The following TRAK1 variants were observed in gnomAD, a reference collection of about 807,000 sequenced individuals.
TRAK1 encodes the protein trafficking kinesin-binding protein 1.
TRAK1 carries 33 observed loss-of-function variants against 92.1 expected under a neutral mutation model. That is an observed-to-expected ratio of 0.36 (90% CI 0.27 to 0.48). The LOEUF is 0.48. Among genes scored for constraint, TRAK1 ranks in the 20% least tolerant of loss-of-function variants. The pLI, the probability that TRAK1 is intolerant of heterozygous loss-of-function variation, is 0.99. For missense variants in TRAK1, 1,123 were observed against 1,257.9 expected, an observed-to-expected ratio of 0.89 and a Z score of 1.62; for synonymous variants, 521 against 517.3, an observed-to-expected ratio of 1.01 and a Z score of -0.10.
At chr3:42,073,273 C>T (rs1704012749) in intron 1 of TRAK1, among the ~76,000 whole-genome samples, 1 of 152,200 alleles carries the variant, frequency 6.6e-6, no homozygotes, top group Non-Finnish European at 1.5e-5. Flanking sequence ...TACCCTGACA[C>T]TGCTCCGACT....
intron 1 of TRAK1, among the ~76,000 whole-genome samples, chr3:42,111,345 T>G (rs1708368008): frequency 6.6e-6 from 1 of 152,030 alleles, no homozygotes; most frequent in South Asian, 2.1e-4. Context: ...CAAACCTCCT[T>G]ATTGTCCGTG....
intron 1 of TRAK1, among the ~76,000 whole-genome samples, chr3:42,080,163 G>A (rs1704363567): frequency 6.6e-6 from 1 of 152,116 alleles, no homozygotes; most frequent in Non-Finnish European, 1.5e-5. Flanking sequence ...AGGGTAGCGG[G>A]GAGAAAATAT....
rs1411045731 is a variant in TRAK1, at chr3:42,078,768, A to AG, written c.-518-8336_-518-8335insG. ...ATTCCATCTCAAAAAAAAAAAAAAA[A>AG]AAAAGAAAGAAAGAAAGAAAGAAAG... On this transcript the variant is annotated intron_variant, in intron 1 of 16. Coordinates refer to the TRAK1 transcript ENST00000487159. Among the ~76,000 whole-genome samples, 10 of 151,594 alleles carry AG rather than the reference A, an allele frequency of 6.6e-5. No individual in the cohort carries two copies. In the East Asian group the frequency reaches 1.9e-3, roughly 29 times the overall value.
intron 1 of TRAK1, chr3:42,014,209 T>C (rs1328149093): frequency 6.6e-6 from 1 of 152,150 alleles, no homozygotes; most frequent in Non-Finnish European, 1.5e-5. Context: ...CCGCGTGAGA[T>C]AGTGGCGGCG....
chr3:42,043,087 C>T (rs547304397), intron 1 of TRAK1, among the ~76,000 whole-genome samples: 17 of 152,110 alleles, frequency 1.1e-4, no homozygotes, highest in African/African-American at 4.1e-4. Flanking sequence ...CTTTCCTCTC[C>T]CTTTAAGGGT....
chr3:42,209,377 C>T (rs1005801692), intron 13 of TRAK1, among the ~76,000 whole-genome samples: 12 of 152,098 alleles, frequency 7.9e-5, no homozygotes, highest in Non-Finnish European at 1.3e-4. Context: ...CATGTGGCCC[C>T]GCTTTTGTGC....
In TRAK1 at chr3:42,202,829, G is replaced by A. The variant is rs9311309; in HGVS notation, c.1744+77G>A. 0.7 allele frequency: 1,107,444 copies of A among 1,578,096 alleles called. 392,091 individuals carry two copies. Among genetic ancestry groups the A allele is most frequent in the East Asian group, 0.99 (43,375 of 43,766 alleles). ...GGTCCCTGATCCACCTGCGGAAGGC[G>A]GGGCACCTCTGTCACGCCTACTCCT... On this transcript the variant is annotated intron_variant, in intron 13 of 15. Transcript: ENST00000327628. The surrounding 1 kb of genome is among the most constrained non-coding windows in gnomAD (Gnocchi z 6.1).
intron 1 of TRAK1, among the ~76,000 whole-genome samples, chr3:42,114,857 C>T (rs1219523273): frequency 4.6e-5 from 7 of 152,040 alleles, no homozygotes; most frequent in Non-Finnish European, 7.4e-5. Flanking sequence ...GGATTACTGG[C>T]GTGCACCACC....
Position 42,188,109 on chromosome 3 carries a change from C to A in TRAK1, c.545C>A (p.Ala182Glu). Residue 182 changes from alanine (A) to glutamate (E), a missense_variant, in exon 5 of 16, where the codon GCG becomes GAG. Physicochemically the swap from Ala to Glu is moderately radical, Grantham distance 107. This residue lies in a region of TRAK1 where 686 missense variants were observed against 747.6 expected (regional missense o/e 0.92). Coordinates refer to ENST00000327628, the MANE Select transcript of TRAK1 (RefSeq NM_001042646.3). ...DELLQFYTSA[A>E]EESEPESVCS... ...CTGCTTCAGTTCTACACCAGCGCTG[C>A]GGAGGAGAGTGAGCCCGAGTCCGTT... The A allele has an allele frequency of 1.2e-6, 2 of 1,614,090 alleles. No homozygotes were observed. The highest frequency in any genetic ancestry group is 1.7e-6 in the Non-Finnish European group (2 of 1,180,032).
rs192933349 is a variant in TRAK1 at position 42,210,763 on chromosome 3, A to C, written c.1963+778A>C. On this transcript the variant is annotated intron_variant, in intron 14 of 15. Coordinates refer to ENST00000327628, the MANE Select transcript of TRAK1 (RefSeq NM_001042646.3). ...AGTGTTTTAGCAATACTCCTTAACCAAATAAACCTTCGGAGAACGTCACTA... is the reference window on the plus strand; with the variant it reads ...AGTGTTTTAGCAATACTCCTTAACCCAATAAACCTTCGGAGAACGTCACTA... The C allele has an allele frequency of 7.1e-6, 7 of 985,596 alleles. No homozygotes were observed. In the Admixed American group the frequency reaches 3.1e-4, roughly 43 times the overall value. The allele number at this position is 985,596 out of a possible 1,614,324, so 61.1% of individuals were successfully genotyped here.
rs561668206 is a variant in TRAK1 at position 42,130,445 on chromosome 3, C to T, written c.286+4831C>T. Among the ~76,000 whole-genome samples, 3 of 152,254 alleles carry T rather than the reference C, an allele frequency of 2.0e-5. No homozygotes were observed. In the East Asian group the frequency reaches 5.8e-4, roughly 29 times the overall value. ...AAATAAGAGTTTCAAAATATTGTTC[C>T]ATCGTTTGCTTTTACTGTAAAGTAA... On this transcript the variant is annotated intron_variant, in intron 2 of 15. Coordinates refer to ENST00000327628, the MANE Select transcript of TRAK1 (RefSeq NM_001042646.3).
At chr3:42,110,487 TCCTG>T (rs1708240716) in intron 1 of TRAK1, among the ~76,000 whole-genome samples, 1 of 152,162 alleles carries the variant, frequency 6.6e-6, no homozygotes, top group South Asian at 2.1e-4. Flanking sequence ...AAAGGGTTCC[TCCTG>T]CCTTTGCAGC....
chr3:42,043,150 C>T (rs1472997026), intron 1 of TRAK1, among the ~76,000 whole-genome samples: 1 of 151,940 alleles, frequency 6.6e-6, no homozygotes, highest in East Asian at 1.9e-4. Flanking sequence ...TTATTGTGGG[C>T]TTATGGGCAG....
At chr3:42,215,264 A>G (rs1020044714) in intron 14 of TRAK1, among the ~76,000 whole-genome samples, 1 of 152,302 alleles carries the variant, frequency 6.6e-6, no homozygotes, top group African/African-American at 2.4e-5. Flanking sequence ...TTTAATGGAA[A>G]GGGAACTGTT....
intron 14 of TRAK1, chr3:42,218,678 T>G (rs1709989374): frequency 1.0e-6 from 1 of 985,276 alleles, no homozygotes; most frequent in South Asian, 4.7e-5. Flanking sequence ...ACCATAGTCT[T>G]CAGCCACCTC....
intron 1 of TRAK1, among the ~76,000 whole-genome samples, chr3:42,115,933 T>G (rs1483173289): frequency 6.6e-6 from 1 of 152,220 alleles, no homozygotes; most frequent in Non-Finnish European, 1.5e-5. Flanking sequence ...GGCCACAGTT[T>G]CCCCTTCTGT....
rs147373791 is a variant in TRAK1, at chr3:42,211,402, C to T, written c.1963+1417C>T. 122 of 985,202 alleles carry T rather than the reference C, an allele frequency of 1.2e-4. No homozygotes were observed. In the East Asian group the frequency reaches 0.011, roughly 88 times the overall value. The allele number at this position is 985,202 out of a possible 1,614,324, so 61.0% of individuals were successfully genotyped here. ...TAGGCAGTTATATTACTAGATTAAG[C>T]TTGTGAGGGAATGAAAATGTTTTTT... is the stretch of plus-strand genomic sequence containing the variant. On this transcript the variant is annotated intron_variant, in intron 14 of 15. Coordinates refer to ENST00000327628, the MANE Select transcript of TRAK1 (RefSeq NM_001042646.3).
rs372066516 is a variant in TRAK1 at position 42,202,611 on chromosome 3, A to C, written c.1603A>C (p.Ser535Arg). 6.3e-7 allele frequency: 1 copy of C among 1,599,792 alleles called. No individual in the cohort carries two copies. The highest frequency in any genetic ancestry group is 1.1e-5 in the South Asian group (1 of 90,374). The change falls in exon 13 of 16, where the codon AGC (serine) becomes CGC (arginine). Residue 535 changes from serine to arginine, a missense_variant. Around this residue, in one of 3 missense-constraint regions of TRAK1, gnomAD observed 686 missense variants for 747.6 expected, o/e 0.92. Transcript: ENST00000327628. This position sits in a 1 kb window ranked among gnomAD's most constrained non-coding sequence, Gnocchi z 6.1. Reference sequence around the variant, plus strand: ...GCTGGCGGAGAAGGGCGAGCTGCGCAGCGGCTCCCTCACACCCACTGAGAG... The same window carrying C: ...GCTGGCGGAGAAGGGCGAGCTGCGCCGCGGCTCCCTCACACCCACTGAGAG... ...QELAEKGELR[S>R]GSLTPTESIM...
At chr3:42,113,788 A>C (rs1708805268) in intron 1 of TRAK1, among the ~76,000 whole-genome samples, 1 of 152,196 alleles carries the variant, frequency 6.6e-6, no homozygotes, top group African/African-American at 2.4e-5. Context: ...TCCAGGGCTC[A>C]AGTGATCGTC....
Sources: gnomAD v4.1 joint callset for allele counts (sites outside exome capture counted in the v4.1 genomes callset) on GRCh38, gnomAD v4.1.1 for gene constraint, gnomAD v4.1.1 regional missense constraint, Gnocchi (gnomAD v3.1) non-coding constraint, MANE v1.5 for transcripts, NCBI Gene and HGNC (gene_info 2026-07-23, HGNC 2026-07-21) for gene names.